The following LYRM4 variants were observed in gnomAD, a reference collection of about 807,000 sequenced individuals.
The protein encoded by LYRM4 is LYR motif-containing protein 4.
LYRM4 carries 9 observed loss-of-function variants against 11.7 expected under a neutral mutation model. That is an observed-to-expected ratio of 0.77 (90% CI 0.46 to 1.34). The LOEUF (loss-of-function observed/expected upper bound fraction) is 1.34. LYRM4 is among the 40% of genes most tolerant of loss of function. The pLI is 0.00. For missense variants in LYRM4, 133 were observed against 112.5 expected (o/e 1.18, Z -0.82); for synonymous variants, 42 against 40.4 (o/e 1.04, Z -0.15).
the LYRM4 span, chr6:5,032,768 A>G: frequency 6.6e-6 from 1 of 152,178 alleles, no homozygotes; most frequent in Non-Finnish European, 1.5e-5. Flanking sequence ...CTGAAAGAGG[A>G]TTAGACTAGA....
the LYRM4 span, among the ~76,000 whole-genome samples, chr6:5,081,953 G>T: frequency 6.6e-6 from 1 of 152,158 alleles, no homozygotes; most frequent in Non-Finnish European, 1.5e-5. Flanking sequence ...TGGGTGGGGA[G>T]CATGTGGAGA....
At chr6:5,233,007 G>A (rs1368468278) in intron 1 of LYRM4, among the ~76,000 whole-genome samples, 2 of 152,214 alleles carry the variant, frequency 1.3e-5, no homozygotes, top group African/African-American at 4.8e-5. Flanking sequence ...ACAATAGTGT[G>A]ATACTCTGTA....
intron 2 of LYRM4, among the ~76,000 whole-genome samples, chr6:5,190,899 T>C (rs1316517817): frequency 6.6e-6 from 1 of 152,214 alleles, no homozygotes; most frequent in Non-Finnish European, 1.5e-5. Context: ...CAAAACTTTG[T>C]CTCTGTGTTT....
the LYRM4 span, among the ~76,000 whole-genome samples, chr6:5,052,431 T>G: frequency 6.6e-6 from 1 of 152,350 alleles, no homozygotes; most frequent in Non-Finnish European, 1.5e-5. Flanking sequence ...TAAGCTGGTA[T>G]AAATTCAAAC....
At chr6:5,040,197 T>G in the LYRM4 span, among the ~76,000 whole-genome samples, 2 of 151,768 alleles carry the variant, frequency 1.3e-5, no homozygotes, top group Non-Finnish European at 2.9e-5. Flanking sequence ...CGCACGCCTG[T>G]AGTCCCAGCT....
chr6:5,040,316 A>AATAGATAGATAGATAGATAGATAG, the LYRM4 span, among the ~76,000 whole-genome samples: 117 of 125,068 alleles, frequency 9.4e-4, no homozygotes, highest in East Asian at 3.2e-3. Context: ...TATCTCTAAC[A>AATAGATAGATAGATAGATAGATAG]ATAGATAGAT....
the LYRM4 span, among the ~76,000 whole-genome samples, chr6:5,065,505 C>A: frequency 6.6e-6 from 1 of 152,152 alleles, no homozygotes; most frequent in Non-Finnish European, 1.5e-5. Flanking sequence ...ATGCAAAAAT[C>A]AGCAACAGTG....
rs114050080 is a variant in LYRM4 at position 5,127,980 on chromosome 6, C to T, written c.208-18489G>A. Reference sequence around the variant, plus strand: ...GTAGAGAGAGGGTCCCTGTACCCTTCACCCTATTTCCTCCAATGGAGACAT... The same window carrying T: ...GTAGAGAGAGGGTCCCTGTACCCTTTACCCTATTTCCTCCAATGGAGACAT... On this transcript the variant is annotated intron_variant, in intron 2 of 2. Transcript: ENST00000330636. Among the ~76,000 whole-genome samples, 472 of 152,328 alleles carry T rather than the reference C, an allele frequency of 3.1e-3. 2 individuals carry two copies. Among genetic ancestry groups the T allele is most frequent in the Admixed American group, 4.8e-3 (74 of 15,296 alleles).
rs1030722033 is a variant in LYRM4 at position 5,135,738 on chromosome 6, ATGTGTG to A, written c.208-26253_208-26248del. On this transcript the variant is annotated intron_variant, in intron 2 of 2. Coordinates refer to ENST00000330636, the MANE Select transcript of LYRM4 (RefSeq NM_020408.6). The stretch of plus-strand genomic sequence containing the variant: ...TCAAACACACACAATACTGATGTGT[ATGTGTG>A]TGTGTTAAATACACAAAACACAACA... 1.9e-3 allele frequency among the ~76,000 whole-genome samples: 292 copies of A among 152,296 alleles called. 2 individuals are homozygous for A. Among genetic ancestry groups the A allele is most frequent in the African/African-American group, 6.4e-3 (268 of 41,556 alleles).
chr6:5,099,514 A>C (rs186998799), downstream of LYRM4, among the ~76,000 whole-genome samples: 1 of 151,986 alleles, frequency 6.6e-6, no homozygotes, highest in African/African-American at 2.4e-5. This position sits in a 1 kb window ranked among gnomAD's most constrained non-coding sequence, Gnocchi z 4.3. Flanking sequence ...TGGCCTCCCA[A>C]AGTGCTGGGA....
At chr6:5,137,340 C>T (rs1757155851) in intron 2 of LYRM4, among the ~76,000 whole-genome samples, 1 of 152,114 alleles carries the variant, frequency 6.6e-6, no homozygotes. Context: ...TTTCATTTCT[C>T]TTGAGTATAC....
intron 2 of LYRM4, among the ~76,000 whole-genome samples, chr6:5,167,669 C>T (rs536820223): frequency 1.3e-5 from 2 of 152,300 alleles, no homozygotes; most frequent in East Asian, 1.9e-4. Flanking sequence ...GCATTTCACA[C>T]ACAAACAATG....
chr6:5,245,494 G>C (rs1421942967), intron 1 of LYRM4, among the ~76,000 whole-genome samples: 1 of 152,096 alleles, frequency 6.6e-6, no homozygotes, highest in Non-Finnish European at 1.5e-5. Flanking sequence ...AATGTGGCAA[G>C]AGTGATGGGG....
intron 2 of LYRM4, chr6:5,186,856 C>T (rs766103796): frequency 2.1e-5 from 10 of 478,640 alleles, no homozygotes; most frequent in Admixed American, 3.1e-5. Context: ...TGGTGGCGTG[C>T]GCCTATAATC....
At chr6:5,074,555 C>T in the LYRM4 span, among the ~76,000 whole-genome samples, 1 of 151,434 alleles carries the variant, frequency 6.6e-6, no homozygotes, top group Non-Finnish European at 1.5e-5. Context: ...CAGCTTGAAG[C>T]TATGCTGTGA....
At chr6:5,215,331 C>A (rs1382523717) in intron 2 of LYRM4, among the ~76,000 whole-genome samples, 1 of 152,194 alleles carries the variant, frequency 6.6e-6, no homozygotes, top group Non-Finnish European at 1.5e-5. Flanking sequence ...CTACTGGTGA[C>A]TGGAAATGCC....
Position 5,109,438 on chromosome 6 carries a change from G to A in LYRM4, c.261C>T (p.Asp87=). The A allele has an allele frequency of 6.2e-7, 1 of 1,614,186 alleles. No homozygotes were observed. The highest frequency in any genetic ancestry group is 1.1e-5 in the South Asian group (1 of 91,080). ...CCCCGGCTTGCTAGGTCCTGGGCAT[G>A]TCTCGATTCTCAATGATCAGCTTGT... ...STDKLIIENR[D]MPRT is the part of the protein sequence containing the mutation. Residue 87 remains aspartate, a synonymous_variant, in exon 3 of 3, where the codon GAC becomes GAT. Transcript: ENST00000330636.
chr6:5,038,642 G>A, the LYRM4 span, among the ~76,000 whole-genome samples: 7 of 63,614 alleles, frequency 1.1e-4, 3 homozygotes, highest in Admixed American at 4.3e-4. Context: ...CCGGCACCTC[G>A]GGAGGCCGAG....
intron 2 of LYRM4, among the ~76,000 whole-genome samples, chr6:5,118,598 G>T (rs1399871976): frequency 6.6e-6 from 1 of 152,146 alleles, no homozygotes; most frequent in Non-Finnish European, 1.5e-5. Flanking sequence ...TCCCTGGTGA[G>T]ATCCCAGCAT....
Sources: allele counts gnomAD v4.1 joint callset (sites outside exome capture counted in the v4.1 genomes callset), GRCh38; gene constraint gnomAD v4.1.1; non-coding constraint Gnocchi (gnomAD v3.1); transcripts MANE v1.5; gene names NCBI Gene and HGNC (gene_info 2026-07-23, HGNC 2026-07-21).